The following RASSF3 variants were observed in gnomAD, a reference collection of about 807,000 sequenced individuals.
RASSF3 encodes the protein ras association domain-containing protein 3.
RASSF3 carries 19 observed loss-of-function variants against 19.9 expected under a neutral mutation model. That is an observed-to-expected ratio of 0.96 (90% CI 0.67 to 1.40). The LOEUF (loss-of-function observed/expected upper bound fraction) is 1.40. Among genes scored for constraint, RASSF3 ranks in the 40% most tolerant of loss-of-function variants. The pLI is 0.00. For synonymous variants in RASSF3, 110 were observed against 104.2 expected, an observed-to-expected ratio of 1.06 and a Z score of -0.34; for missense variants, 306 against 289.8, an observed-to-expected ratio of 1.06 and a Z score of -0.41.
chr12:64,604,585 G>A (rs1795607), intron 2 of RASSF3, among the ~76,000 whole-genome samples: 1 of 151,918 alleles, frequency 6.6e-6, no homozygotes, highest in Admixed American at 6.6e-5. Flanking sequence ...TGATTGTATC[G>A]GTTCAACTAT....
At chr12:64,525,264 G>C (rs1868561048) in intron 1 of RASSF3, among the ~76,000 whole-genome samples, 1 of 152,024 alleles carries the variant, frequency 6.6e-6, no homozygotes, top group South Asian at 2.1e-4. Flanking sequence ...GATAGAGTGA[G>C]ACTCCGTGTC....
At chr12:64,649,583 G>A (rs912452636) in intron 1 of RASSF3, among the ~76,000 whole-genome samples, 1 of 152,176 alleles carries the variant, frequency 6.6e-6, no homozygotes, top group Non-Finnish European at 1.5e-5. Context: ...TGGTCCTAGG[G>A]TACCCGGTTA....
upstream of RASSF3, among the ~76,000 whole-genome samples, chr12:64,606,060 C>A (rs1870186500): frequency 6.6e-6 from 1 of 152,022 alleles, no homozygotes; most frequent in Admixed American, 6.6e-5. Context: ...TTCCTAGGTA[C>A]CATATGCAAG....
At chr12:64,628,385 T>C (rs895844172) in intron 1 of RASSF3, 1 of 152,218 alleles carries the variant, frequency 6.6e-6, no homozygotes, top group Non-Finnish European at 1.5e-5. Flanking sequence ...TTACTGAGAA[T>C]GGTAGGACAG....
intron 1 of RASSF3, among the ~76,000 whole-genome samples, chr12:64,680,033 T>A (rs1183599771): frequency 1.3e-5 from 2 of 152,166 alleles, no homozygotes; most frequent in Non-Finnish European, 2.9e-5. Context: ...CCCTTCTTTC[T>A]TGCTCTCACC....
At chr12:64,584,876 ATTCTT>A (rs1358046854) in intron 2 of RASSF3, among the ~76,000 whole-genome samples, 2 of 70,204 alleles carry the variant, frequency 2.8e-5, no homozygotes, top group African/African-American at 9.7e-5. Flanking sequence ...GCACAGAAGG[ATTCTT>A]TTTTTTTTTT....
chr12:64,678,637 A>T (rs1872995150), intron 1 of RASSF3, among the ~76,000 whole-genome samples: 1 of 133,288 alleles, frequency 7.5e-6, no homozygotes. Context: ...TTTTAAAGAG[A>T]TCCGTAATAC....
chr12:64,634,764 A>T (rs979290914), intron 1 of RASSF3, among the ~76,000 whole-genome samples: 4,961 of 27,736 alleles, frequency 0.18, 412 homozygotes, highest in African/African-American at 0.44. Flanking sequence ...CCATCTCATA[A>T]AAAAAAAAAA....
chr12:64,543,447 C>CCCCCGCTGCCCGCCTGCCCCCCCCGCT (rs1565836117), downstream of RASSF3, among the ~76,000 whole-genome samples: 1 of 62,780 alleles, frequency 1.6e-5, no homozygotes, highest in African/African-American at 4.5e-5. Context: ...CCCCCGTGCC[C>CCCCCGCTGCCCGCCTGCCCCCCCCGCT]GCCCGCCCCC....
intron 2 of RASSF3, among the ~76,000 whole-genome samples, chr12:64,547,783 T>A (rs990026605): frequency 6.6e-6 from 1 of 152,218 alleles, no homozygotes; most frequent in Admixed American, 6.5e-5. Flanking sequence ...CAACCTTGAT[T>A]CAGGATCAAA....
At chr12:64,592,105 T>C (rs1007811143) in intron 2 of RASSF3, among the ~76,000 whole-genome samples, 6 of 152,214 alleles carry the variant, frequency 3.9e-5, no homozygotes, top group African/African-American at 1.2e-4. Context: ...TTCACCATGT[T>C]GCCCAGGCTG....
At chr12:64,534,849 C>T (rs576669650) in intron 1 of RASSF3, among the ~76,000 whole-genome samples, 282 of 152,250 alleles carry the variant, frequency 1.9e-3, no homozygotes, top group African/African-American at 6.2e-3. Context: ...GTGTTTGCCA[C>T]GTGACCATCT....
chr12:64,664,123 A>G (rs927384641), intron 1 of RASSF3, among the ~76,000 whole-genome samples: 2 of 152,122 alleles, frequency 1.3e-5, no homozygotes, highest in African/African-American at 4.8e-5. Flanking sequence ...GTTCCTGTGA[A>G]GCTGGGATTT....
intron 1 of RASSF3, among the ~76,000 whole-genome samples, chr12:64,525,781 T>C (rs1189724335): frequency 6.6e-6 from 1 of 152,122 alleles, no homozygotes; most frequent in Non-Finnish European, 1.5e-5. Flanking sequence ...TATATTACTG[T>C]AGTGTGATCA....
At chr12:64,638,497 G>A (rs546952089) in intron 1 of RASSF3, among the ~76,000 whole-genome samples, 8 of 151,468 alleles carry the variant, frequency 5.3e-5, no homozygotes, top group Non-Finnish European at 1.2e-4. Context: ...GGAGAATGGC[G>A]TGAACCCAGG....
intron 2 of RASSF3, among the ~76,000 whole-genome samples, chr12:64,574,343 T>G (rs184496341): frequency 2.0e-5 from 3 of 152,112 alleles, no homozygotes; most frequent in Admixed American, 6.6e-5. Flanking sequence ...TTGATAAAAT[T>G]TAATATCCAC....
intron 1 of RASSF3, among the ~76,000 whole-genome samples, chr12:64,632,080 G>C (rs1293539529): frequency 6.6e-6 from 1 of 152,168 alleles, no homozygotes; most frequent in Non-Finnish European, 1.5e-5. Flanking sequence ...TATAATACAA[G>C]AGGGGGTGAC....
chr12:64,554,085 G>A (rs1406105038), intron 2 of RASSF3, among the ~76,000 whole-genome samples: 1 of 152,006 alleles, frequency 6.6e-6, no homozygotes, highest in Non-Finnish European at 1.5e-5. Context: ...TAGCCCATTG[G>A]CCCAGTTTCT....
chr12:64,632,136 G>T (rs77651655), intron 1 of RASSF3, among the ~76,000 whole-genome samples: 6,206 of 152,166 alleles, frequency 0.041, 155 homozygotes, highest in Non-Finnish European at 0.064. Flanking sequence ...GAGGAGGTGG[G>T]TATGCACATG....
Sources: allele counts gnomAD v4.1 joint callset (sites outside exome capture counted in the v4.1 genomes callset), GRCh38; gene constraint gnomAD v4.1.1; transcripts MANE v1.5; gene names NCBI Gene and HGNC (gene_info 2026-07-23, HGNC 2026-07-21).